ALDH6A1: variants seen among roughly 807,000 people sequenced by gnomAD.
ALDH6A1 encodes methylmalonate-semialdehyde/malonate-semialdehyde dehydrogenase [acylating], mitochondrial.
A neutral mutation model predicts 62.6 loss-of-function variants in ALDH6A1; 43 were observed. The ratio of observed to expected loss-of-function variants is 0.69; its 90% CI spans 0.54 to 0.89. ALDH6A1 has a LOEUF of 0.89. Ranked by LOEUF, ALDH6A1 falls within the 40% of genes least tolerant of loss-of-function variation. ALDH6A1 has a pLI of 0.00. For missense variants in ALDH6A1, 551 were observed against 661.3 expected (o/e 0.83, Z 1.83); for synonymous variants, 194 against 234.2 (o/e 0.83, Z 1.57).
chr14:74,062,197 C>CA (rs1440226577), intron 11 of ALDH6A1, among the ~76,000 whole-genome samples: 2 of 151,388 alleles, frequency 1.3e-5, no homozygotes, highest in South Asian at 4.2e-4. Context: ...ACTCCCATCT[C>CA]AAAAAAATAA....
chr14:74,073,344 A>G (rs1350594616), intron 2 of ALDH6A1, among the ~76,000 whole-genome samples: 1 of 151,810 alleles, frequency 6.6e-6, no homozygotes, highest in Non-Finnish European at 1.5e-5. Context: ...GGCTCAAGTG[A>G]TCCACCTGCG....
intron 1 of ALDH6A1, 71 bp from the exon 2 acceptor site, chr14:74,075,088 C>G: frequency 7.2e-7 from 1 of 1,383,282 alleles, no homozygotes; most frequent in Non-Finnish European, 1.0e-6. Context: ...CAAATAGCTA[C>G]TATATGCTAT....
chr14:74,075,482 A>G (rs1355000698), intron 1 of ALDH6A1, among the ~76,000 whole-genome samples: 1 of 151,880 alleles, frequency 6.6e-6, no homozygotes, highest in African/African-American at 2.4e-5. Flanking sequence ...ACATGGCAAA[A>G]CCTTGTCTAC....
At chr14:74,073,257 C>T (rs989810472) in intron 2 of ALDH6A1, among the ~76,000 whole-genome samples, 5 of 152,050 alleles carry the variant, frequency 3.3e-5, no homozygotes, top group Non-Finnish European at 7.4e-5. Flanking sequence ...GCACATGCTA[C>T]CATGCCCAGC....
At chr14:74,077,748 G>A (rs1410929280) in intron 1 of ALDH6A1, among the ~76,000 whole-genome samples, 1 of 152,048 alleles carries the variant, frequency 6.6e-6, no homozygotes, top group African/African-American at 2.4e-5. Flanking sequence ...CATGAGTTTT[G>A]GTGGAGACAA....
intron 11 of ALDH6A1, among the ~76,000 whole-genome samples, chr14:74,064,025 C>T (rs1366603285): frequency 6.6e-6 from 1 of 151,316 alleles, no homozygotes; most frequent in Non-Finnish European, 1.5e-5. Flanking sequence ...ACAGACCGGG[C>T]AGAGTGGCTC....
At chr14:74,081,545 A>G (rs4646859) in intron 1 of ALDH6A1, among the ~76,000 whole-genome samples, 36,666 of 152,076 alleles carry the variant, frequency 0.24, 5,001 homozygotes, top group South Asian at 0.46. Context: ...TTTCCTAAGA[A>G]ACACCCATTA....
intron 8 of ALDH6A1, 76 bp from the exon 9 acceptor site, chr14:74,066,962 TC>T: frequency 6.9e-7 from 1 of 1,445,512 alleles, no homozygotes; most frequent in Non-Finnish European, 9.7e-7. Flanking sequence ...ATGCCTGTAA[TC>T]CCAAAGCTTT....
intron 7 of ALDH6A1, 92 bp from the exon 8 acceptor site, chr14:74,067,661 G>T: frequency 1.5e-6 from 2 of 1,366,746 alleles, no homozygotes; most frequent in Admixed American, 1.8e-5. Context: ...GGTGGCTAAT[G>T]CCTGTAATCC....
intron 1 of ALDH6A1, among the ~76,000 whole-genome samples, chr14:74,078,809 GT>G: frequency 6.6e-6 from 1 of 151,820 alleles, no homozygotes; most frequent in Non-Finnish European, 1.5e-5. Flanking sequence ...GATTACAGGT[GT>G]GAGCCACTGC....
chr14:74,084,233 C>G, intron 1 of ALDH6A1, 114 bp downstream of exon 1: 1 of 1,512,242 alleles, frequency 6.6e-7, no homozygotes, highest in Non-Finnish European at 9.0e-7. Context: ...GGTAGGAGGT[C>G]TGGCCAAAAA....
At position 74,071,891 on chromosome 14, in the gene ALDH6A1, C is replaced by T. The variant is rs1426016882; in HGVS notation, c.427+5G>A. On this transcript the variant is annotated splice_donor_5th_base_variant and intron_variant, in intron 5 of 11. Coordinates refer to ENST00000553458, the MANE Select transcript of ALDH6A1 (RefSeq NM_005589.4). ...CAAAAGTCCCATAAGGGGCTCCCAG[C>T]TTACGAAGGCCTCGAAATACATCTC... 6.2e-7 allele frequency: 1 copy of T among 1,614,118 alleles called. No homozygotes were observed. The highest frequency in any genetic ancestry group is 8.5e-7 in the Non-Finnish European group (1 of 1,179,952).
chr14:74,074,833 A>T, intron 2 of ALDH6A1, 122 bp downstream of exon 2: 2 of 994,752 alleles, frequency 2.0e-6, no homozygotes, highest in Admixed American at 2.0e-5. Flanking sequence ...ATAATCCAAA[A>T]GGAGGAAAAA....
chr14:74,081,501 T>G (rs928192512), intron 1 of ALDH6A1, among the ~76,000 whole-genome samples: 3 of 152,190 alleles, frequency 2.0e-5, no homozygotes, highest in Non-Finnish European at 4.4e-5. Flanking sequence ...TTCATATAGT[T>G]TTTTGACAGG....
At position 74,057,332 on chromosome 14, in the gene ALDH6A1, G is replaced by A. The variant is rs2060236642; in HGVS notation, c.*3310C>T. The A allele has an allele frequency of 6.2e-7, 1 of 1,600,544 alleles. No individual in the cohort carries two copies. The highest frequency in any genetic ancestry group is 8.5e-7 in the Non-Finnish European group (1 of 1,172,792). On this transcript the variant is annotated 3_prime_UTR_variant, in exon 12 of 12. Coordinates refer to ENST00000553458, the MANE Select transcript of ALDH6A1 (RefSeq NM_005589.4). ...CCCATGTCGCTTCTTGCTAAATCAC[G>A]GTTATTTTCTCTACTAGTTGAGAGA...
intron 7 of ALDH6A1, 23 bp from the exon 8 acceptor site, chr14:74,067,592 CAT>C (rs2060488050): frequency 1.9e-6 from 3 of 1,612,612 alleles, no homozygotes; most frequent in Admixed American, 1.7e-5. Flanking sequence ...GCAGAAAGCA[CAT>C]GAGTCTTCCT....
intron 1 of ALDH6A1, among the ~76,000 whole-genome samples, chr14:74,075,642 G>A (rs1231813659): frequency 2.6e-5 from 4 of 151,642 alleles, no homozygotes; most frequent in African/African-American, 9.7e-5. Flanking sequence ...GGAAGAGAGA[G>A]GGAGACCTTG....
chr14:74,074,909 A>G, intron 2 of ALDH6A1, 46 bp downstream of exon 2: 1 of 1,578,722 alleles, frequency 6.3e-7, no homozygotes, highest in Non-Finnish European at 8.7e-7. Context: ...CCAAAACTAT[A>G]CTGAATTCCT....
At position 74,084,439 on chromosome 14, in the gene ALDH6A1, A is replaced by G. The variant is rs1203406095; in HGVS notation, c.-45T>C. The G allele has an allele frequency of 5.0e-6, 8 of 1,608,864 alleles. No homozygotes were observed. The highest frequency in any genetic ancestry group is 2.2e-5 in the East Asian group (1 of 44,784). On this transcript the variant is annotated 5_prime_UTR_variant, in exon 1 of 12. Coordinates refer to ENST00000553458, the MANE Select transcript of ALDH6A1 (RefSeq NM_005589.4). ...TCCGCACCCCGCGCCTCTACTGCCCAGAAGCACTACAGCTGCCAGGCCTCG... is the reference window on the plus strand; with the variant it reads ...TCCGCACCCCGCGCCTCTACTGCCCGGAAGCACTACAGCTGCCAGGCCTCG...
Sources: gnomAD v4.1 joint callset for allele counts (sites outside exome capture counted in the v4.1 genomes callset) on GRCh38, gnomAD v4.1.1 for gene constraint, MANE v1.5 for transcripts, NCBI Gene and HGNC (gene_info 2026-07-23, HGNC 2026-07-21) for gene names.